Variants in KDM4C observed in about 807,000 individuals in gnomAD.
The protein encoded by KDM4C is lysine demethylase 4C, also known as lysine-specific demethylase 4C.
In KDM4C, 81 loss-of-function variants were observed where a neutral mutation model predicts 129.3. That is an observed-to-expected ratio of 0.63 (90% CI 0.52 to 0.75). The LOEUF is 0.75. Ranked by LOEUF, KDM4C falls within the 30% of genes least tolerant of loss-of-function variation. KDM4C has a pLI of 0.00. For missense variants in KDM4C, 1,457 were observed against 1,304.0 expected, an observed-to-expected ratio of 1.12 and a Z score of -1.81; for synonymous variants, 573 against 456.1, an observed-to-expected ratio of 1.26 and a Z score of -3.26.
intron 8 of KDM4C, among the ~76,000 whole-genome samples, chr9:6,970,852 A>C (rs2131696051): frequency 7.1e-6 from 1 of 140,638 alleles, no homozygotes; most frequent in Non-Finnish European, 1.5e-5. Context: ...CTTAGGAACA[A>C]CTCATGGAAT....
intron 7 of KDM4C, among the ~76,000 whole-genome samples, chr9:6,890,623 G>A (rs1302704825): frequency 1.3e-5 from 2 of 151,940 alleles, no homozygotes; most frequent in Non-Finnish European, 2.9e-5. Context: ...TGTGTAACAG[G>A]TGCTCTTTTT....
chr9:6,911,900 G>A (rs894654149), intron 8 of KDM4C, among the ~76,000 whole-genome samples: 6 of 152,142 alleles, frequency 3.9e-5, no homozygotes, highest in East Asian at 1.9e-4. Flanking sequence ...TTGGATCCTG[G>A]TTCTGGCTTC....
At chr9:6,980,475 A>G (rs1229382826) in intron 8 of KDM4C, among the ~76,000 whole-genome samples, 2 of 152,162 alleles carry the variant, frequency 1.3e-5, no homozygotes, top group African/African-American at 4.8e-5. Flanking sequence ...ATATAATAAA[A>G]TATATCTTAG....
chr9:6,797,085 T>TAGCCTCCCAAGTAGCTGGGACTC, intron 2 of KDM4C, among the ~76,000 whole-genome samples: 1 of 151,810 alleles, frequency 6.6e-6, no homozygotes, highest in Non-Finnish European at 1.5e-5. Flanking sequence ...CTCAAGCAAG[T>TAGCCTCCCAAGTAGCTGGGACTC]AGCCTCCCAA....
At chr9:6,858,420 C>G (rs1326966352) in intron 5 of KDM4C, among the ~76,000 whole-genome samples, 9 of 152,058 alleles carry the variant, frequency 5.9e-5, no homozygotes, top group Non-Finnish European at 1.3e-4. Context: ...AAATCCATAA[C>G]TCTAGGGAAA....
intron 1 of KDM4C, among the ~76,000 whole-genome samples, chr9:6,791,157 G>A (rs1826519371): frequency 6.6e-6 from 1 of 152,114 alleles, no homozygotes; most frequent in African/African-American, 2.4e-5. Flanking sequence ...CATCACCCAG[G>A]CTGGAGTGCA....
intron 8 of KDM4C, among the ~76,000 whole-genome samples, chr9:6,899,247 C>T (rs1415052662): frequency 2.0e-5 from 3 of 152,080 alleles, no homozygotes; most frequent in Non-Finnish European, 4.4e-5. Context: ...CTTCTCCCCA[C>T]ATGTGCATAG....
At chr9:7,086,980 T>G (rs1226592376) in intron 17 of KDM4C, among the ~76,000 whole-genome samples, 1 of 152,188 alleles carries the variant, frequency 6.6e-6, no homozygotes, top group Non-Finnish European at 1.5e-5. Context: ...TGCCCTGTGG[T>G]TGAAGACCTC....
Position 7,084,225 on chromosome 9 carries a change from A to G in KDM4C, c.2425-19460A>G, listed in dbSNP as rs73407441. Among the ~76,000 whole-genome samples, 1,373 of 152,258 alleles carry G rather than the reference A, an allele frequency of 9.0e-3. 19 individuals are homozygous for G. Among genetic ancestry groups the G allele is most frequent in the African/African-American group, 0.031 (1,286 of 41,542 alleles). The stretch of plus-strand genomic sequence containing the variant: ...CAGCTGAAGCTTTCGGAGCCACTAC[A>G]TGGTGCCACCATCTCTCTTTGTTTT... On this transcript the variant is annotated intron_variant, in intron 17 of 21. Transcript: ENST00000381309.
chr9:6,968,213 T>G (rs1426174623), intron 8 of KDM4C, among the ~76,000 whole-genome samples: 2 of 152,210 alleles, frequency 1.3e-5, no homozygotes, highest in Non-Finnish European at 2.9e-5. Flanking sequence ...GGTGCACTCA[T>G]GCCTATAATC....
intron 3 of KDM4C, among the ~76,000 whole-genome samples, chr9:6,807,796 G>GT (rs1830321664): frequency 6.7e-6 from 1 of 149,152 alleles, no homozygotes; most frequent in Non-Finnish European, 1.5e-5. Flanking sequence ...GAGGTGGGGG[G>GT]GGGGTCAGCC....
At chr9:6,943,003 C>G (rs934040178) in intron 8 of KDM4C, among the ~76,000 whole-genome samples, 4 of 152,064 alleles carry the variant, frequency 2.6e-5, no homozygotes, top group Non-Finnish European at 5.9e-5. Context: ...GTAGCTACGA[C>G]TACAGCCATG....
rs189656368 is a variant in KDM4C at position 7,024,922 on chromosome 9, G to A, written c.2259+8993G>A. On this transcript the variant is annotated intron_variant, in intron 15 of 21. Transcript: ENST00000381309. ...AGGAATCGCCACACCAACTTCCACA[G>A]TGGTTGAACTAGTTTACAGTCCCAC... is the stretch of plus-strand genomic sequence containing the variant. 8.7e-4 allele frequency among the ~76,000 whole-genome samples: 132 copies of A among 152,302 alleles called. 1 individual carries two copies. Among genetic ancestry groups the A allele is most frequent in the Non-Finnish European group, 1.1e-3 (75 of 68,034 alleles).
At chr9:7,041,812 C>T (rs1027697095) in intron 15 of KDM4C, among the ~76,000 whole-genome samples, 2 of 151,964 alleles carry the variant, frequency 1.3e-5, no homozygotes, top group Non-Finnish European at 2.9e-5. Flanking sequence ...TATCTGGGCG[C>T]TGAGGAGATT....
At chr9:7,112,473 A>G (rs1051108902) in intron 18 of KDM4C, among the ~76,000 whole-genome samples, 1 of 152,172 alleles carries the variant, frequency 6.6e-6, no homozygotes, top group Non-Finnish European at 1.5e-5. Flanking sequence ...CTTGATTATG[A>G]GGACACTTTG....
At chr9:6,803,233 T>C (rs1829336612) in intron 2 of KDM4C, among the ~76,000 whole-genome samples, 1 of 152,180 alleles carries the variant, frequency 6.6e-6, no homozygotes, top group Non-Finnish European at 1.5e-5. Flanking sequence ...TGCTTGTGAT[T>C]ATGCATTTTC....
At chr9:7,129,576 C>G (rs1840393616) in intron 19 of KDM4C, among the ~76,000 whole-genome samples, 1 of 152,020 alleles carries the variant, frequency 6.6e-6, no homozygotes, top group Admixed American at 6.6e-5. Flanking sequence ...TGCTGTGTGT[C>G]ACTTACTTAC....
chr9:6,832,076 TGCCTGTAATCCCAGCACTCTGGGA>T (rs1461823131), intron 4 of KDM4C, among the ~76,000 whole-genome samples: 2 of 152,100 alleles, frequency 1.3e-5, no homozygotes, highest in Non-Finnish European at 2.9e-5. Context: ...GCGGTGGTCA[TGCCTGTAATCCCAGCACTCTGGGA>T]GTCTGAGGCG....
chr9:7,022,660 A>C (rs1285814507), intron 15 of KDM4C, among the ~76,000 whole-genome samples: 1 of 124,234 alleles, frequency 8.0e-6, no homozygotes. Flanking sequence ...TTGTCTGATT[A>C]CGCTGGCTAG....
Sources: gnomAD v4.1 joint callset for allele counts (sites outside exome capture counted in the v4.1 genomes callset) on GRCh38, gnomAD v4.1.1 for gene constraint, MANE v1.5 for transcripts, NCBI Gene and HGNC (gene_info 2026-07-23, HGNC 2026-07-21) for gene names.